Variants in RBFOX1 observed in about 807,000 individuals in gnomAD.
RBFOX1 encodes the protein RNA binding protein fox-1 homolog 1.
Under a neutral mutation model 57.7 loss-of-function variants are expected in RBFOX1, and 8 were observed. That is an observed-to-expected ratio of 0.14 (90% CI 0.08 to 0.25). The LOEUF is 0.25. Among genes scored for constraint, RBFOX1 ranks in the 10% least tolerant of loss-of-function variants. The probability of loss-of-function intolerance (pLI) is 1.00; values close to 1 mark genes in which losing one functional copy is unlikely to be tolerated. For synonymous variants in RBFOX1, 326 were observed against 222.4 expected (o/e 1.47, Z -4.15); for missense variants, 611 against 548.5 (o/e 1.11, Z -1.14).
chr16:6,829,107 A>T (rs1477018612), intron 3 of RBFOX1, among the ~76,000 whole-genome samples: 1 of 152,172 alleles, frequency 6.6e-6, no homozygotes, highest in Non-Finnish European at 1.5e-5. Context: ...CAAGCCCACT[A>T]GTATCAGTAG....
At chr16:7,409,430 G>A (rs919931934) in intron 4 of RBFOX1, among the ~76,000 whole-genome samples, 2 of 152,172 alleles carry the variant, frequency 1.3e-5, no homozygotes. Context: ...TTGGAGAATG[G>A]CATTTCTTTC....
At chr16:5,765,697 G>T (rs1186061807) in intron 3 of RBFOX1, among the ~76,000 whole-genome samples, 1 of 152,224 alleles carries the variant, frequency 6.6e-6, no homozygotes, top group Non-Finnish European at 1.5e-5. Context: ...CCCCAAGGGA[G>T]AAAGGACGCC....
chr16:6,589,701 C>T (rs1298913309), intron 2 of RBFOX1, among the ~76,000 whole-genome samples: 1 of 152,160 alleles, frequency 6.6e-6, no homozygotes, highest in African/African-American at 2.4e-5. Context: ...AGTCTAGTTC[C>T]CAGGCATAAA....
intron 14 of RBFOX1, among the ~76,000 whole-genome samples, chr16:7,697,235 T>G (rs1466705691): frequency 6.6e-6 from 1 of 151,828 alleles, no homozygotes; most frequent in Non-Finnish European, 1.5e-5. Flanking sequence ...GGGTGAGAAG[T>G]GGTCATCTTT....
intron 2 of RBFOX1, among the ~76,000 whole-genome samples, chr16:6,566,170 C>G (rs542026930): frequency 1.3e-5 from 2 of 152,268 alleles, no homozygotes; most frequent in South Asian, 4.2e-4. Context: ...TCCAAGTAGG[C>G]AAGGAGGTAC....
At chr16:7,061,585 C>T (rs368878174) in intron 4 of RBFOX1, among the ~76,000 whole-genome samples, 1 of 152,168 alleles carries the variant, frequency 6.6e-6, no homozygotes, top group Non-Finnish European at 1.5e-5. Context: ...AAAAAGTTCA[C>T]ACATTTAGGA....
chr16:6,160,824 C>A (rs1280423544), intron 1 of RBFOX1, among the ~76,000 whole-genome samples: 4 of 152,174 alleles, frequency 2.6e-5, no homozygotes, highest in Non-Finnish European at 4.4e-5. Context: ...CTCTCAAGAT[C>A]AGCTCTGTTG....
intron 4 of RBFOX1, among the ~76,000 whole-genome samples, chr16:7,267,012 C>G (rs1030639019): frequency 6.6e-6 from 1 of 152,038 alleles, no homozygotes; most frequent in Non-Finnish European, 1.5e-5. Flanking sequence ...AAACAAGGTT[C>G]AAAAGGGTGA....
At chr16:6,038,539 TATATATATATATCATCC>T (rs1039354968) in intron 1 of RBFOX1, 9 of 146,026 alleles carry the variant, frequency 6.2e-5, no homozygotes, top group South Asian at 4.3e-4. Context: ...GAGATATATA[TATATATATATATCATCC>T]ATATATATAT....
intron 4 of RBFOX1, among the ~76,000 whole-genome samples, chr16:7,155,133 A>G (rs1173048035): frequency 6.6e-6 from 1 of 152,192 alleles, no homozygotes; most frequent in African/African-American, 2.4e-5. Flanking sequence ...AACAACTGTT[A>G]TCAGCCTACA....
intron 1 of RBFOX1, among the ~76,000 whole-genome samples, chr16:6,246,798 G>A (rs1410028575): frequency 6.6e-6 from 1 of 152,170 alleles, no homozygotes; most frequent in African/African-American, 2.4e-5. Context: ...GCTGGGCATT[G>A]TGGCTCACGC....
intron 3 of RBFOX1, among the ~76,000 whole-genome samples, chr16:5,858,019 G>C (rs79592826): frequency 0.14 from 20,900 of 152,088 alleles, 1,806 homozygotes; most frequent in Non-Finnish European, 0.19. Flanking sequence ...CCAATATGTA[G>C]AAGAGACTTC....
chr16:5,779,982 A>G (rs897347557), intron 3 of RBFOX1, among the ~76,000 whole-genome samples: 2 of 152,228 alleles, frequency 1.3e-5, no homozygotes, highest in African/African-American at 4.8e-5. Context: ...AGAGTGCTGT[A>G]TACCTTAAAA....
Position 7,535,527 on chromosome 16 carries a change from A to G in RBFOX1, c.270+17138A>G, listed in dbSNP as rs2081270580. ...TAGATACAGGGAAGGGAGGCCTTCC[A>G]TGCTGGAATTAAATTGTGAAGTCTT... On this transcript the variant is annotated intron_variant, in intron 5 of 15. Coordinates refer to ENST00000550418, the MANE Select transcript of RBFOX1 (RefSeq NM_018723.4). Among the ~76,000 whole-genome samples the G allele has an allele frequency of 2.6e-5, 4 of 152,310 alleles. No homozygotes were observed. The South Asian group carries it at 8.3e-4, about 32-fold the overall frequency.
intron 4 of RBFOX1, among the ~76,000 whole-genome samples, chr16:7,389,884 A>T (rs1033603122): frequency 1.3e-5 from 2 of 152,118 alleles, no homozygotes; most frequent in Non-Finnish European, 2.9e-5. Context: ...AAATAAGAAG[A>T]TGGGGGTTGT....
At chr16:6,934,638 A>G (rs1370863485) in intron 3 of RBFOX1, among the ~76,000 whole-genome samples, 1 of 152,216 alleles carries the variant, frequency 6.6e-6, no homozygotes, top group Admixed American at 6.5e-5. Flanking sequence ...AAATTACTCA[A>G]GCACAGAAAG....
At chr16:6,830,612 A>G (rs1196921202) in intron 3 of RBFOX1, among the ~76,000 whole-genome samples, 1 of 152,180 alleles carries the variant, frequency 6.6e-6, no homozygotes, top group Non-Finnish European at 1.5e-5. Flanking sequence ...GTAGAGGCCA[A>G]GGGTTCTGCT....
intron 2 of RBFOX1, among the ~76,000 whole-genome samples, chr16:5,582,738 C>G (rs1334422468): frequency 1.3e-5 from 2 of 151,998 alleles, no homozygotes; most frequent in East Asian, 3.9e-4. Flanking sequence ...AGCCCATCAT[C>G]TCAACCTCTG....
At chr16:7,292,747 A>C (rs533345041) in intron 4 of RBFOX1, among the ~76,000 whole-genome samples, 15 of 152,054 alleles carry the variant, frequency 9.9e-5, no homozygotes, top group African/African-American at 3.4e-4. Context: ...CACTCTACTG[A>C]AATAGTCTTG....
Sources: gnomAD v4.1 joint callset for allele counts (sites outside exome capture counted in the v4.1 genomes callset) on GRCh38, gnomAD v4.1.1 for gene constraint, MANE v1.5 for transcripts, NCBI Gene and HGNC (gene_info 2026-07-23, HGNC 2026-07-21) for gene names.